The following DGKI variants were observed in gnomAD, a reference collection of about 807,000 sequenced individuals.
The protein encoded by DGKI is DAG kinase iota.
DGKI carries 55 observed loss-of-function variants against 147.5 expected under a neutral mutation model. The observed-to-expected ratio is 0.37, with a 90% confidence interval of 0.30 to 0.47. The LOEUF (loss-of-function observed/expected upper bound fraction) is 0.47. Among genes scored for constraint, DGKI ranks in the 20% least tolerant of loss-of-function variants. DGKI has a pLI of 1.00. For synonymous variants in DGKI, 469 were observed against 477.1 expected, an observed-to-expected ratio of 0.98 and a Z score of 0.22; for missense variants, 1,007 against 1,323.8, an observed-to-expected ratio of 0.76 and a Z score of 3.71.
Position 137,672,883 on chromosome 7 carries a change from C to T in DGKI, c.606+5674G>A, listed in dbSNP as rs111276421. Among the ~76,000 whole-genome samples, 438 of 148,436 alleles carry T rather than the reference C, an allele frequency of 3.0e-3. 3 individuals are homozygous for T. Among genetic ancestry groups the T allele is most frequent in the African/African-American group, 0.01 (415 of 39,922 alleles). ...GCAACCTCCGCCTCCTGGGTTCAAGCGATTCTCCTGCCTCAGCCTCCTGTA... is the reference window on the plus strand; with the variant it reads ...GCAACCTCCGCCTCCTGGGTTCAAGTGATTCTCCTGCCTCAGCCTCCTGTA... On this transcript the variant is annotated intron_variant, in intron 3 of 32. Transcript: ENST00000614521.
chr7:137,479,480 T>A (rs1272113283), intron 23 of DGKI, among the ~76,000 whole-genome samples: 2 of 152,098 alleles, frequency 1.3e-5, no homozygotes, highest in African/African-American at 4.8e-5. Flanking sequence ...GATGAGAAAA[T>A]GATCTGAACC....
At chr7:137,611,631 C>T (rs1820367371) in intron 8 of DGKI, among the ~76,000 whole-genome samples, 1 of 152,144 alleles carries the variant, frequency 6.6e-6, no homozygotes, top group South Asian at 2.1e-4. Context: ...CACTACCCAC[C>T]TCATGGGACA....
chr7:137,775,834 G>A (rs1199537875), intron 1 of DGKI, among the ~76,000 whole-genome samples: 1 of 152,156 alleles, frequency 6.6e-6, no homozygotes, highest in Non-Finnish European at 1.5e-5. Flanking sequence ...TAGTCTCACA[G>A]GGAAAGATGT....
Position 137,463,503 on chromosome 7 carries a change from G to A in DGKI, c.2721C>T (p.His907=), listed in dbSNP as rs1382435714. The A allele has an allele frequency of 6.2e-7, 1 of 1,614,150 alleles. No individual in the cohort carries two copies. The highest frequency in any genetic ancestry group is 8.5e-7 in the Non-Finnish European group (1 of 1,180,024). The change falls in exon 27 of 33, where the codon CAC becomes CAT. Residue 907 remains histidine (H), a synonymous_variant. Transcript: ENST00000614521. The stretch of plus-strand genomic sequence containing the variant: ...AGAACTCTTACTGTAGCACGCGGGA[G>A]TGGCTGAGATCTTTCAGATCTGAGT... ...YEDSDLKDLS[H]SRVLQSPVSS...
intron 1 of DGKI, among the ~76,000 whole-genome samples, chr7:137,809,413 T>C (rs1797490328): frequency 6.6e-6 from 1 of 152,164 alleles, no homozygotes; most frequent in South Asian, 2.1e-4. Context: ...CAGGGAGATC[T>C]CTAATTGGGC....
At chr7:137,479,764 C>T (rs1381683970) in intron 23 of DGKI, among the ~76,000 whole-genome samples, 1 of 152,070 alleles carries the variant, frequency 6.6e-6, no homozygotes, top group African/African-American at 2.4e-5. Context: ...CAATAATCAC[C>T]TTACTTTTAA....
chr7:137,649,747 A>G (rs1821957022), intron 5 of DGKI, among the ~76,000 whole-genome samples: 1 of 149,082 alleles, frequency 6.7e-6, no homozygotes, highest in African/African-American at 2.4e-5. Flanking sequence ...AAAAACCTAT[A>G]GAAATAAAAA....
At chr7:137,493,721 A>G (rs900661078) in intron 21 of DGKI, 14 of 700,388 alleles carry the variant, frequency 2.0e-5, no homozygotes, top group Middle Eastern at 6.2e-4. Context: ...ATCAGCCCAC[A>G]AAGATGAAAA....
In DGKI at chr7:137,407,862, T is replaced by C. The variant is rs373557619; in HGVS notation, c.2920+13A>G. ...GGTAAGTGATCCTTGGTAAGTTCAC[T>C]ATGCCTACTTACCGTGGTCAAGGAT... is the stretch of plus-strand genomic sequence containing the variant. On this transcript the variant is annotated intron_variant, in intron 30 of 32. Transcript: ENST00000614521. 2.0e-5 allele frequency: 33 copies of C among 1,613,562 alleles called. No homozygotes were observed. The highest frequency in any genetic ancestry group is 2.8e-5 in the Non-Finnish European group (33 of 1,179,758).
intron 6 of DGKI, among the ~76,000 whole-genome samples, chr7:137,643,796 C>T (rs1821736226): frequency 6.6e-6 from 1 of 152,184 alleles, no homozygotes; most frequent in Non-Finnish European, 1.5e-5. Context: ...GAACACTTGT[C>T]TCAAAGTATA....
At chr7:137,674,675 C>T (rs1392357082) in intron 3 of DGKI, among the ~76,000 whole-genome samples, 4 of 152,190 alleles carry the variant, frequency 2.6e-5, no homozygotes, top group Admixed American at 6.5e-5. Flanking sequence ...CTCATGATTG[C>T]CACCTCGTTT....
intron 21 of DGKI, among the ~76,000 whole-genome samples, chr7:137,509,455 G>T (rs914287025): frequency 1.3e-5 from 2 of 152,164 alleles, no homozygotes; most frequent in Admixed American, 6.5e-5. Flanking sequence ...CCAGTTGGAT[G>T]GGAAGAGGGA....
At chr7:137,554,740 C>T (rs1425008190) in intron 19 of DGKI, among the ~76,000 whole-genome samples, 1 of 151,744 alleles carries the variant, frequency 6.6e-6, no homozygotes, top group Non-Finnish European at 1.5e-5. Context: ...CCTTTCCTTC[C>T]TCACCGCCAC....
At chr7:137,520,905 C>G (rs1204034645) in intron 21 of DGKI, among the ~76,000 whole-genome samples, 1 of 152,060 alleles carries the variant, frequency 6.6e-6, no homozygotes, top group Admixed American at 6.6e-5. Context: ...CCTGCCAGTT[C>G]TAACTATTTT....
rs180839902 is a variant in DGKI, at chr7:137,420,107, A to G, written c.2762-7900T>C. Among the ~76,000 whole-genome samples, 77 of 152,326 alleles carry G rather than the reference A, an allele frequency of 5.1e-4. 1 individual carries two copies. Among genetic ancestry groups the G allele is most frequent in the Admixed American group, 5.0e-3 (77 of 15,304 alleles). ...ACATGGCTAGTAACTGGGTACTGGT[A>G]TCGGCTAGGAGCCTTGGATCCTCTC... is the stretch of plus-strand genomic sequence containing the variant. On this transcript the variant is annotated intron_variant, in intron 28 of 32. Transcript: ENST00000614521.
At chr7:137,568,648 C>T (rs1563089740) in intron 19 of DGKI, among the ~76,000 whole-genome samples, 1 of 152,298 alleles carries the variant, frequency 6.6e-6, no homozygotes, top group East Asian at 1.9e-4. Context: ...CTTGCTTCCT[C>T]TTTGCAAATA....
intron 1 of DGKI, among the ~76,000 whole-genome samples, chr7:137,745,865 C>T (rs994279820): frequency 1.3e-5 from 2 of 152,222 alleles, no homozygotes; most frequent in African/African-American, 2.4e-5. Context: ...AAAATAAATT[C>T]GTTCTAGATT....
intron 3 of DGKI, among the ~76,000 whole-genome samples, chr7:137,663,764 G>C (rs898417481): frequency 2.0e-5 from 3 of 152,296 alleles, no homozygotes; most frequent in South Asian, 4.1e-4. Flanking sequence ...CAAAATTACA[G>C]AGTTACAGAG....
chr7:137,603,540 C>T (rs534862031), intron 10 of DGKI, among the ~76,000 whole-genome samples: 55 of 152,252 alleles, frequency 3.6e-4, no homozygotes, highest in African/African-American at 1.3e-3. Flanking sequence ...TGTGTACCGT[C>T]GGGATCTCAG....
Sources: gnomAD v4.1 joint callset for allele counts (sites outside exome capture counted in the v4.1 genomes callset) on GRCh38, gnomAD v4.1.1 for gene constraint, MANE v1.5 for transcripts, NCBI Gene and HGNC (gene_info 2026-07-23, HGNC 2026-07-21) for gene names.